The following CEP68 variants were observed in gnomAD, a reference collection of about 807,000 sequenced individuals.
CEP68 encodes centrosomal protein 68, also known as centrosomal protein of 68 kDa.
A neutral mutation model predicts 55.3 loss-of-function variants in CEP68; 26 were observed. That is an observed-to-expected ratio of 0.47 (90% CI 0.34 to 0.65). The LOEUF is 0.65. Ranked by LOEUF, CEP68 falls within the 30% of genes least tolerant of loss-of-function variation. The pLI is 0.01. For synonymous variants in CEP68, 402 were observed against 383.2 expected (o/e 1.05, Z -0.57); for missense variants, 957 against 946.7 (o/e 1.01, Z -0.14).
intron 6 of CEP68, among the ~76,000 whole-genome samples, chr2:65,083,001 C>G (rs1668906882): frequency 6.6e-6 from 1 of 152,196 alleles, no homozygotes; most frequent in Admixed American, 6.5e-5. Flanking sequence ...AAGACAAGAG[C>G]AGCACAACTT....
chr2:65,071,259 C>T lies in CEP68; in HGVS notation c.358-195C>T, dbSNP rs544412508. On this transcript the variant is annotated intron_variant, in intron 2 of 6. Transcript: ENST00000377990. ...ACTGGAGATGGGAGTCATCTTGCTTCCCAGACAGGCAGGGTCTCAGTGCTG... is the reference window on the plus strand; with the variant it reads ...ACTGGAGATGGGAGTCATCTTGCTTTCCAGACAGGCAGGGTCTCAGTGCTG... 8.6e-5 allele frequency: 51 copies of T among 591,038 alleles called. 1 individual carries two copies. Among genetic ancestry groups the T allele is most frequent in the South Asian group, 7.9e-4 (38 of 48,260 alleles). 36.6% of individuals were successfully genotyped at this position (591,038 alleles called of 1,614,324 possible).
intron 1 of CEP68, among the ~76,000 whole-genome samples, chr2:65,062,791 C>T (rs1400541391): frequency 3.9e-5 from 6 of 151,966 alleles, no homozygotes; most frequent in African/African-American, 9.7e-5. Flanking sequence ...GAGCCAAGAT[C>T]GTGCCACTGC....
At chr2:65,065,024 G>C (rs1041764453) in intron 1 of CEP68, among the ~76,000 whole-genome samples, 1 of 152,184 alleles carries the variant, frequency 6.6e-6, no homozygotes, top group Non-Finnish European at 1.5e-5. Flanking sequence ...TTATTCCCCA[G>C]TTGGCTCATA....
intron 1 of CEP68, among the ~76,000 whole-genome samples, chr2:65,065,628 G>T (rs2080385): frequency 0.29 from 44,558 of 152,058 alleles, 6,869 homozygotes; most frequent in African/African-American, 0.38. Context: ...AAATTAAATA[G>T]TGAAATAAAT....
intron 1 of CEP68, among the ~76,000 whole-genome samples, chr2:65,058,669 G>T (rs937294150): frequency 6.6e-6 from 1 of 151,716 alleles, no homozygotes; most frequent in African/African-American, 2.4e-5. Flanking sequence ...ACCGTGTTCC[G>T]CTAATTTTTG....
At chr2:65,059,179 A>T (rs963211755) in intron 1 of CEP68, among the ~76,000 whole-genome samples, 5 of 152,172 alleles carry the variant, frequency 3.3e-5, no homozygotes, top group Non-Finnish European at 7.3e-5. Flanking sequence ...CACCAACATC[A>T]TGAAAAGCCC....
At position 65,072,351 on chromosome 2, in the gene CEP68, A is replaced by G. The variant is rs1271903808; in HGVS notation, c.1255A>G (p.Arg419Gly). 1 of 1,613,906 alleles carries G rather than the reference A, an allele frequency of 6.2e-7. No homozygotes were observed. ...TTGGGAGCGCAGAGAGCCAGCCCTGAGGGGTGCGAAGGACCGGCTGACTAT... is the reference window on the plus strand; with the variant it reads ...TTGGGAGCGCAGAGAGCCAGCCCTGGGGGGTGCGAAGGACCGGCTGACTAT... The part of the protein sequence containing the change: ...ARWERREPAL[R>G]GAKDRLTIGK... Residue 419 changes from arginine to glycine, a missense_variant, in exon 3 of 7, where the codon AGG (arginine) becomes GGG (glycine). Coordinates refer to ENST00000377990, the MANE Select transcript of CEP68 (RefSeq NM_015147.3).
In CEP68 at chr2:65,067,874, G is replaced by A. The variant is rs376877544; in HGVS notation, c.-46-1525G>A. Among the ~76,000 whole-genome samples the A allele has an allele frequency of 1.4e-3, 216 of 152,306 alleles. 2 individuals carry two copies. Among genetic ancestry groups the A allele is most frequent in the African/African-American group, 5.0e-3 (209 of 41,564 alleles). On this transcript the variant is annotated intron_variant, in intron 1 of 6. Transcript: ENST00000377990. ...TTCTCCAGGGTCACTTCTGAATCAG[G>A]CTGGAGCCTGGCATGCCCCATCAGG...
intron 1 of CEP68, among the ~76,000 whole-genome samples, chr2:65,062,241 TAA>T (rs778304115): frequency 1.3e-5 from 2 of 152,092 alleles, no homozygotes; most frequent in African/African-American, 4.8e-5. Context: ...GCTCACGACT[TAA>T]AGAGTCCTGG....
chr2:65,076,526 C>T (rs546588339), intron 4 of CEP68, among the ~76,000 whole-genome samples: 96 of 152,270 alleles, frequency 6.3e-4, no homozygotes, highest in Admixed American at 1.7e-3. Flanking sequence ...ATGGCTCATG[C>T]GTATGTGTGT....
In CEP68 at chr2:65,069,789, C is replaced by T. The variant is rs751227429; in HGVS notation, c.345C>T (p.Ser115=). The T allele has an allele frequency of 3.8e-5, 62 of 1,613,706 alleles. No individual in the cohort carries two copies. Among genetic ancestry groups the T allele is most frequent in the Admixed American group, 2.0e-4 (12 of 59,994 alleles). ...TGGGGTCTGGAGACCTTCTGCTCTC[C>T]GGGGAAAGCCAGGTAGGTACTAAGG... ...ATMGSGDLLL[S]GESQVEKTKL... Residue 115 remains serine, a synonymous_variant, in exon 2 of 7, where the codon TCC becomes TCT. Coordinates refer to ENST00000377990, the MANE Select transcript of CEP68 (RefSeq NM_015147.3).
Position 65,074,381 on chromosome 2 carries a change from A to G in CEP68, c.1984A>G (p.Lys662Glu), listed in dbSNP as rs1676659450. 3 of 1,612,742 alleles carry G rather than the reference A, an allele frequency of 1.9e-6. No individual in the cohort carries two copies. Among genetic ancestry groups the G allele is most frequent in the Non-Finnish European group, 2.5e-6 (3 of 1,178,702 alleles). The change falls in exon 4 of 7, where the codon AAG (lysine) becomes GAG (glutamate). Residue 662 changes from lysine to glutamate, a missense_variant. Coordinates refer to ENST00000377990, the MANE Select transcript of CEP68 (RefSeq NM_015147.3). ...TAARSNLTSL[K>E]SSLQLYRQFK... is the part of the protein sequence containing the mutation. ...AGCCAGGTCCAATCTTACAAGTCTC[A>G]AGTCTTCTCTGCAGCTTTACCGGGT...
At chr2:65,069,968 C>T (rs1162931057) in intron 2 of CEP68, among the ~76,000 whole-genome samples, 167 bp downstream of exon 2, 1 of 152,140 alleles carries the variant, frequency 6.6e-6, no homozygotes, top group African/African-American at 2.4e-5. Context: ...GAGAGCTGGG[C>T]CTCAGGACCG....
At chr2:65,071,177 G>C in intron 2 of CEP68, 1 of 476,764 alleles carries the variant, frequency 2.1e-6, no homozygotes, top group South Asian at 2.5e-5. Flanking sequence ...AGAGCTGTCT[G>C]AGTTCTGCTT....
In CEP68 at chr2:65,071,733, A is replaced by G. The variant is rs199533145; in HGVS notation, c.637A>G (p.Arg213Gly). 3.3e-5 allele frequency: 54 copies of G among 1,613,910 alleles called. No individual in the cohort carries two copies. Among genetic ancestry groups the G allele is most frequent in the South Asian group, 4.4e-5 (4 of 91,082 alleles). Residue 213 changes from arginine to glycine, a missense_variant, in exon 3 of 7, where the codon AGG becomes GGG. Coordinates refer to ENST00000377990, the MANE Select transcript of CEP68 (RefSeq NM_015147.3). ...CAGCAGTCTCCAGGGTCACCAGGAG[A>G]GGGCGGAGCCTCGTGGTGGTTCTCT... The part of the protein sequence containing the change: ...TGSSLQGHQE[R>G]AEPRGGSLAK...
intron 1 of CEP68, among the ~76,000 whole-genome samples, chr2:65,061,826 T>A (rs903419277): frequency 6.6e-6 from 1 of 152,216 alleles, no homozygotes; most frequent in Non-Finnish European, 1.5e-5. Context: ...TGTCTTTACC[T>A]CCTTTCATGT....
At position 65,056,428 on chromosome 2, in the gene CEP68, G is replaced by A. The variant is rs1267092996; in HGVS notation, c.-147G>A. The stretch of plus-strand genomic sequence containing the variant: ...TCCTGCCCTGCGCGTTTTGGGCTGC[G>A]GTTGGAGGGCCGCAGTTGCAGTCAG... On this transcript the variant is annotated 5_prime_UTR_variant, in exon 1 of 7. Coordinates refer to ENST00000377990, the MANE Select transcript of CEP68 (RefSeq NM_015147.3). 6.6e-6 allele frequency: 1 copy of A among 152,434 alleles called. No homozygotes were observed. Among genetic ancestry groups the A allele is most frequent in the African/African-American group, 2.4e-5 (1 of 41,470 alleles). 9.4% of individuals were successfully genotyped at this position (152,434 alleles called of 1,614,324 possible).
At chr2:65,068,272 T>C (rs1200627661) in intron 1 of CEP68, among the ~76,000 whole-genome samples, 2 of 152,170 alleles carry the variant, frequency 1.3e-5, no homozygotes, top group African/African-American at 4.8e-5. Context: ...GCTGGCATGC[T>C]TAGGCTGAGG....
chr2:65,076,492 C>T (rs1212777113), intron 4 of CEP68, among the ~76,000 whole-genome samples: 8 of 152,168 alleles, frequency 5.3e-5, no homozygotes, highest in African/African-American at 1.9e-4. Context: ...GTACTGCTAG[C>T]CCCTTGCCCG....
Sources: allele counts gnomAD v4.1 joint callset (sites outside exome capture counted in the v4.1 genomes callset), GRCh38; gene constraint gnomAD v4.1.1; transcripts MANE v1.5; gene names NCBI Gene and HGNC (gene_info 2026-07-23, HGNC 2026-07-21).